STPG2: variants seen among roughly 807,000 people sequenced by gnomAD.
STPG2 encodes sperm tail PG-rich repeat containing 2, also known as sperm-tail PG-rich repeat-containing protein 2.
A neutral mutation model predicts 54.2 loss-of-function variants in STPG2; 56 were observed. The observed-to-expected ratio is 1.03, with a 90% confidence interval of 0.83 to 1.29. STPG2 has a LOEUF of 1.29. Among genes scored for constraint, STPG2 ranks in the 50% most tolerant of loss-of-function variants. The probability of loss-of-function intolerance (pLI) is 0.00; values close to 1 mark genes in which losing one functional copy is unlikely to be tolerated. For synonymous variants in STPG2, 200 were observed against 181.8 expected, an observed-to-expected ratio of 1.10 and a Z score of -0.81; for missense variants, 596 against 544.9, an observed-to-expected ratio of 1.09 and a Z score of -0.93.
At chr4:97,761,294 T>A (rs1350110979) in intron 9 of STPG2, among the ~76,000 whole-genome samples, 1 of 152,104 alleles carries the variant, frequency 6.6e-6, no homozygotes, top group Admixed American at 6.6e-5. Flanking sequence ...TAATCCAATA[T>A]GACTGGTGTT....
intron 4 of STPG2, among the ~76,000 whole-genome samples, chr4:97,462,107 A>T (rs1291475114): frequency 3.3e-5 from 5 of 152,176 alleles, no homozygotes; most frequent in Non-Finnish European, 7.4e-5. Context: ...CACATCTGGA[A>T]TCAATTTTGT....
chr4:97,738,006 G>A (rs184159500), intron 9 of STPG2, among the ~76,000 whole-genome samples: 2,962 of 152,198 alleles, frequency 0.019, 79 homozygotes, highest in African/African-American at 0.067. Flanking sequence ...GGCTAACAGC[G>A]GATCTCTTGG....
chr4:97,563,298 T>C (rs1480930034), intron 10 of STPG2, among the ~76,000 whole-genome samples: 6 of 152,290 alleles, frequency 3.9e-5, no homozygotes, highest in African/African-American at 1.4e-4. Flanking sequence ...ATCCCCTTTG[T>C]CATTTTTTAT....
At chr4:98,046,039 GT>G (rs1226946018) in intron 5 of STPG2, among the ~76,000 whole-genome samples, 1 of 147,688 alleles carries the variant, frequency 6.8e-6, no homozygotes, top group Non-Finnish European at 1.5e-5. Context: ...GATCTTCATA[GT>G]TTTTTCATTC....
chr4:97,782,760 A>C (rs1028620020), intron 9 of STPG2, among the ~76,000 whole-genome samples: 7 of 152,250 alleles, frequency 4.6e-5, no homozygotes, highest in South Asian at 4.1e-4. Context: ...GAAGAGAGCC[A>C]TCAGAAATAA....
chr4:97,671,332 G>A (rs918065851), intron 10 of STPG2, among the ~76,000 whole-genome samples: 2 of 152,156 alleles, frequency 1.3e-5, no homozygotes, highest in Admixed American at 1.3e-4. Flanking sequence ...TTCTTGGGTG[G>A]ATTATACAGG....
chr4:97,666,711 C>A, intron 10 of STPG2, among the ~76,000 whole-genome samples: 1 of 152,188 alleles, frequency 6.6e-6, no homozygotes, highest in South Asian at 2.1e-4. Context: ...CATGCTAAGC[C>A]TTGTGAACTC....
At chr4:97,944,580 G>T (rs1006713180) in intron 7 of STPG2, among the ~76,000 whole-genome samples, 1 of 151,844 alleles carries the variant, frequency 6.6e-6, no homozygotes, top group Non-Finnish European at 1.5e-5. Flanking sequence ...CAATTTATTT[G>T]TATTCATTTA....
At chr4:97,684,069 T>G (rs539764694) in intron 10 of STPG2, among the ~76,000 whole-genome samples, 6 of 151,758 alleles carry the variant, frequency 4.0e-5, no homozygotes, top group South Asian at 2.1e-4. Flanking sequence ...AAGAGATATA[T>G]GAGGGAAACT....
In STPG2 at chr4:97,648,622, C is replaced by A. The variant is rs73834110; in HGVS notation, c.1320+64077G>T. On this transcript the variant is annotated intron_variant, in intron 10 of 10. Transcript: ENST00000295268. ...AATCAAATTCCAGTTTTTGTTCTTA[C>A]CATTTTTAGTGATCATGGACACATA... Among the ~76,000 whole-genome samples, 928 of 152,136 alleles carry A rather than the reference C, an allele frequency of 6.1e-3. 9 individuals carry two copies. Among genetic ancestry groups the A allele is most frequent in the African/African-American group, 0.021 (875 of 41,512 alleles).
chr4:97,639,049 T>C (rs1721668337), intron 10 of STPG2, among the ~76,000 whole-genome samples: 1 of 152,050 alleles, frequency 6.6e-6, no homozygotes, highest in Admixed American at 6.6e-5. Context: ...CGCACACGTA[T>C]GTTTATTGCG....
chr4:97,540,128 G>C (rs1731656208), intron 4 of STPG2, among the ~76,000 whole-genome samples: 1 of 152,138 alleles, frequency 6.6e-6, no homozygotes, highest in African/African-American at 2.4e-5. Context: ...ACTAAGATCA[G>C]AGCAGAACTG....
At chr4:97,601,925 T>C (rs1279464513) in intron 10 of STPG2, among the ~76,000 whole-genome samples, 1 of 151,936 alleles carries the variant, frequency 6.6e-6, no homozygotes, top group Admixed American at 6.6e-5. Flanking sequence ...GGCACATTTT[T>C]CCATTTATTT....
intron 9 of STPG2, among the ~76,000 whole-genome samples, chr4:97,731,338 A>G (rs1006996804): frequency 2.0e-5 from 3 of 152,152 alleles, no homozygotes; most frequent in Admixed American, 2.0e-4. Context: ...GTGTCCTCAA[A>G]GAATTTTTGT....
chr4:97,545,570 T>G (rs909762319), intron 4 of STPG2, among the ~76,000 whole-genome samples: 1 of 152,104 alleles, frequency 6.6e-6, no homozygotes, highest in African/African-American at 2.4e-5. Flanking sequence ...TTTCAAATCC[T>G]CAGAAAGCAA....
intron 4 of STPG2, among the ~76,000 whole-genome samples, chr4:97,497,232 A>T (rs2148830878): frequency 6.6e-6 from 1 of 151,948 alleles, no homozygotes; most frequent in South Asian, 2.1e-4. Flanking sequence ...GAAAAGCTAG[A>T]AAATAATTAG....
chr4:97,755,972 T>C (rs1336157060), intron 9 of STPG2, among the ~76,000 whole-genome samples: 1 of 152,202 alleles, frequency 6.6e-6, no homozygotes, highest in African/African-American at 2.4e-5. Flanking sequence ...ATGACATAGA[T>C]AAGCCCTTCA....
intron 2 of STPG2, among the ~76,000 whole-genome samples, chr4:98,132,230 G>C (rs1740014665): frequency 6.6e-6 from 1 of 152,002 alleles, no homozygotes; most frequent in African/African-American, 2.4e-5. Flanking sequence ...GATGTTGAAA[G>C]TGACTATAGA....
rs114949108 is a variant in STPG2 at position 97,578,546 on chromosome 4, T to C, written c.1321-19429A>G. 1.9e-3 allele frequency among the ~76,000 whole-genome samples: 285 copies of C among 152,158 alleles called. 1 individual carries two copies. Among genetic ancestry groups the C allele is most frequent in the African/African-American group, 6.3e-3 (263 of 41,534 alleles). On this transcript the variant is annotated intron_variant, in intron 10 of 10. Transcript: ENST00000295268. ...TTGAACTGAGTTGTAGGACACCCAG[T>C]TGATGTCTGCATAGAATTGGAGACT...
Sources: gnomAD v4.1 joint callset for allele counts (sites outside exome capture counted in the v4.1 genomes callset) on GRCh38, gnomAD v4.1.1 for gene constraint, MANE v1.5 for transcripts, NCBI Gene and HGNC (gene_info 2026-07-23, HGNC 2026-07-21) for gene names.